PRKAG2: variants seen among roughly 807,000 people sequenced by gnomAD.
PRKAG2 encodes the protein 5'-AMP-activated protein kinase subunit gamma-2.
A neutral mutation model predicts 69.6 loss-of-function variants in PRKAG2; 26 were observed. That is an observed-to-expected ratio of 0.37 (90% confidence interval 0.27 to 0.52). The LOEUF (loss-of-function observed/expected upper bound fraction) is 0.52. PRKAG2 is among the 20% of genes least tolerant of loss of function. The pLI, the probability that PRKAG2 is intolerant of heterozygous loss-of-function variation, is 0.90. For missense variants in PRKAG2, 557 were observed against 740.0 expected (o/e 0.75, Z 2.87); for synonymous variants, 293 against 285.0 (o/e 1.03, Z -0.28).
At chr7:151,871,075 G>T (rs1330644342) in intron 1 of PRKAG2, among the ~76,000 whole-genome samples, 1 of 152,144 alleles carries the variant, frequency 6.6e-6, no homozygotes, top group Non-Finnish European at 1.5e-5. Flanking sequence ...CTCTCCCTGG[G>T]TCTCCAGCTC....
At chr7:151,643,208 T>C (rs1827034479) in intron 4 of PRKAG2, among the ~76,000 whole-genome samples, 1 of 152,262 alleles carries the variant, frequency 6.6e-6, no homozygotes. Flanking sequence ...TGATAACTCT[T>C]AGTATTGTCT....
rs879777272 is a variant in PRKAG2, at chr7:151,788,945, G to A, written c.115-2404C>T. The stretch of plus-strand genomic sequence containing the variant: ...AATAGTCTTGGCATGACTGTGGAAC[G>A]TCATTTGACTTTATCTCTGAGAGTT... On this transcript the variant is annotated intron_variant, in intron 1 of 15. Coordinates refer to ENST00000287878, the MANE Select transcript of PRKAG2 (RefSeq NM_016203.4). This position sits in a 1 kb window ranked among gnomAD's most constrained non-coding sequence, Gnocchi z 4.6. 3.3e-5 allele frequency among the ~76,000 whole-genome samples: 5 copies of A among 152,144 alleles called. No individual in the cohort carries two copies. The highest frequency in any genetic ancestry group is 2.0e-4 in the Admixed American group (3 of 15,268).
chr7:151,716,462 C>A (rs902950943), intron 3 of PRKAG2, among the ~76,000 whole-genome samples: 9 of 152,176 alleles, frequency 5.9e-5, no homozygotes, highest in Admixed American at 5.2e-4. Flanking sequence ...CTTGTCCAGG[C>A]AGGGCTTGGA....
At chr7:151,749,730 C>T (rs115425576) in intron 3 of PRKAG2, among the ~76,000 whole-genome samples, 8 of 149,826 alleles carry the variant, frequency 5.3e-5, no homozygotes, top group African/African-American at 2.0e-4. Context: ...TACTAGGGAA[C>T]TGCAAATCAA....
chr7:151,602,864 GCT>G (rs886606121), intron 5 of PRKAG2, among the ~76,000 whole-genome samples: 16 of 152,204 alleles, frequency 1.1e-4, no homozygotes, highest in African/African-American at 3.9e-4. Context: ...CTCTGCCCTC[GCT>G]CTCTCTGTTG....
In PRKAG2 at chr7:151,567,036, A is replaced by G. The variant is rs1806418194; in HGVS notation, c.1234-1151T>C. Among the ~76,000 whole-genome samples the G allele has an allele frequency of 6.6e-6, 1 of 152,210 alleles. No individual in the cohort carries two copies. The highest frequency in any genetic ancestry group is 1.5e-5 in the Non-Finnish European group (1 of 68,026). On this transcript the variant is annotated intron_variant, in intron 11 of 15. Transcript: ENST00000287878. The surrounding 1 kb of genome is among the most constrained non-coding windows in gnomAD (Gnocchi z 4.2). Reference sequence around the variant, plus strand: ...GATAAAAATCTGAAGCAGCTCTGCAAAAGAATGATCTCACGCTTTTACTCC... The same window carrying G: ...GATAAAAATCTGAAGCAGCTCTGCAGAAGAATGATCTCACGCTTTTACTCC...
At chr7:151,874,847 C>G (rs1563773607) in intron 1 of PRKAG2, among the ~76,000 whole-genome samples, 1 of 152,154 alleles carries the variant, frequency 6.6e-6, no homozygotes, top group Non-Finnish European at 1.5e-5. Context: ...CATGATTGCA[C>G]CACTGCATTC....
In PRKAG2 at chr7:151,568,778, T is replaced by C. The variant is rs975054004; in HGVS notation, c.1171A>G (p.Ile391Val). 1.9e-6 allele frequency: 3 copies of C among 1,613,916 alleles called. No homozygotes were observed. Among genetic ancestry groups the C allele is most frequent in the Non-Finnish European group, 2.5e-6 (3 of 1,179,810 alleles). The change falls in exon 11 of 16, where the codon ATC becomes GTC. Residue 391 changes from isoleucine to valine, a missense_variant. Physicochemically the swap from Ile to Val is conservative, Grantham distance 29. This residue lies in a region of PRKAG2 where 205 missense variants were observed against 383.4 expected (regional missense o/e 0.53). Coordinates refer to ENST00000287878, the MANE Select transcript of PRKAG2 (RefSeq NM_016203.4). ...KIHRLPVIDP[I>V]SGNALYILTH... ...AGTATATAAAGTGCATTCCCACTGA[T>C]AGGGTCAATAACGGGCAATCTGTGG...
intron 6 of PRKAG2, among the ~76,000 whole-genome samples, chr7:151,578,889 A>G (rs1809667609): frequency 6.6e-6 from 1 of 152,240 alleles, no homozygotes; most frequent in African/African-American, 2.4e-5. Context: ...ATTATAGAAG[A>G]ATATAGTGGA....
At chr7:151,713,450 CTTTT>C (rs528264620) in intron 3 of PRKAG2, among the ~76,000 whole-genome samples, 1 of 152,030 alleles carries the variant, frequency 6.6e-6, no homozygotes, top group Non-Finnish European at 1.5e-5. Flanking sequence ...GCAGTATTTT[CTTTT>C]TTTACTTTTT....
intron 3 of PRKAG2, among the ~76,000 whole-genome samples, chr7:151,765,754 C>A (rs141560416): frequency 4.0e-4 from 61 of 152,280 alleles, no homozygotes; most frequent in Non-Finnish European, 6.6e-4. Flanking sequence ...ATCATACAAC[C>A]CTTAACAGTT....
At chr7:151,680,639 A>G (rs1026745156) in intron 3 of PRKAG2, among the ~76,000 whole-genome samples, 1 of 152,196 alleles carries the variant, frequency 6.6e-6, no homozygotes, top group Admixed American at 6.5e-5. Flanking sequence ...TATCATGAGA[A>G]TGGATTATCC....
At chr7:151,610,336 T>A (rs1818480730) in intron 5 of PRKAG2, among the ~76,000 whole-genome samples, 1 of 152,088 alleles carries the variant, frequency 6.6e-6, no homozygotes, top group African/African-American at 2.4e-5. Flanking sequence ...GCCACTGCAC[T>A]CCAGCCTGGG....
chr7:151,781,449 A>G lies in PRKAG2; in HGVS notation c.187-18T>C. On this transcript the variant is annotated intron_variant, in intron 2 of 15. Coordinates refer to ENST00000287878, the MANE Select transcript of PRKAG2 (RefSeq NM_016203.4). The surrounding 1 kb of genome is among the most constrained non-coding windows in gnomAD (Gnocchi z 6.1). ...CTGTCCACCTGCAGAAAAACAGACG[A>G]ATGGATGCAGTCACTCCACGCTCTG... 6.3e-7 allele frequency: 1 copy of G among 1,593,868 alleles called. No individual in the cohort carries two copies. The highest frequency in any genetic ancestry group is 8.5e-7 in the Non-Finnish European group (1 of 1,171,060).
At chr7:151,597,119 C>G (rs1045019875) in intron 5 of PRKAG2, among the ~76,000 whole-genome samples, 1 of 152,106 alleles carries the variant, frequency 6.6e-6, no homozygotes, top group Non-Finnish European at 1.5e-5. Flanking sequence ...AGAAATAAAT[C>G]CACACATTAC....
In PRKAG2 at chr7:151,836,941, C is replaced by T. The variant is rs6977282; in HGVS notation, c.114+39566G>A. Among the ~76,000 whole-genome samples, 55 of 152,334 alleles carry T rather than the reference C, an allele frequency of 3.6e-4. No homozygotes were observed. The highest frequency in any genetic ancestry group is 1.3e-3 in the African/African-American group (52 of 41,582). On this transcript the variant is annotated intron_variant, in intron 1 of 15. Transcript: ENST00000287878. The surrounding 1 kb of genome is among the most constrained non-coding windows in gnomAD (Gnocchi z 4.1). The stretch of plus-strand genomic sequence containing the variant: ...GGCCCAGCCAGCTTGCGGGGACCCC[C>T]GAGACGAGGTCCCTGCCAGACTGCC...
chr7:151,584,322 C>G, intron 6 of PRKAG2, among the ~76,000 whole-genome samples: 1 of 152,128 alleles, frequency 6.6e-6, no homozygotes, highest in East Asian at 1.9e-4. Context: ...GTGAAGCCCA[C>G]CAAGCAAGAA....
chr7:151,603,574 C>T (rs1253738291), intron 5 of PRKAG2, among the ~76,000 whole-genome samples: 2 of 143,428 alleles, frequency 1.4e-5, no homozygotes, highest in Non-Finnish European at 3.1e-5. Flanking sequence ...CGGAGGGACA[C>T]GCTCCGTCCT....
intron 3 of PRKAG2, among the ~76,000 whole-genome samples, chr7:151,745,454 G>A (rs371320157): frequency 1.4e-3 from 216 of 152,298 alleles, no homozygotes; most frequent in African/African-American, 4.6e-3. Context: ...GCACCTCTGC[G>A]GAGCACCCTC....
Sources: gnomAD v4.1 joint callset for allele counts (sites outside exome capture counted in the v4.1 genomes callset) on GRCh38, gnomAD v4.1.1 for gene constraint, gnomAD v4.1.1 regional missense constraint, Gnocchi (gnomAD v3.1) non-coding constraint, MANE v1.5 for transcripts, NCBI Gene and HGNC (gene_info 2026-07-23, HGNC 2026-07-21) for gene names.